HHAT: variants seen among roughly 807,000 people sequenced by gnomAD.
HHAT encodes protein-cysteine N-palmitoyltransferase HHAT.
A neutral mutation model predicts 70.8 loss-of-function variants in HHAT; 47 were observed. The ratio of observed to expected loss-of-function variants is 0.66; its 90% confidence interval spans 0.53 to 0.85. The LOEUF (loss-of-function observed/expected upper bound fraction) is 0.85, where lower values mean the gene tolerates loss of function less well. HHAT is among the 40% of genes least tolerant of loss of function. The pLI is 0.00. For synonymous variants in HHAT, 228 were observed against 247.6 expected (o/e 0.92, Z 0.74); for missense variants, 609 against 604.8 (o/e 1.01, Z -0.07).
intron 11 of HHAT, among the ~76,000 whole-genome samples, chr1:210,671,317 T>A (rs1248372638): frequency 1.3e-5 from 2 of 152,072 alleles, no homozygotes; most frequent in African/African-American, 2.4e-5. Flanking sequence ...CTGAACCCAC[T>A]GAGGAGCAGG....
At chr1:210,649,933 A>G (rs558614531) in intron 11 of HHAT, among the ~76,000 whole-genome samples, 1 of 152,350 alleles carries the variant, frequency 6.6e-6, no homozygotes, top group South Asian at 2.1e-4. Context: ...ATTTAGCATC[A>G]GAAATGTGCT....
At position 210,464,582 on chromosome 1, in the gene HHAT, C is replaced by G. The variant is rs777865030; in HGVS notation, c.934C>G (p.Arg312Gly). ...CTTTGGCGTGCCTGCTCTGCTCATG[C>G]GCCTGGATGGACTCACTCCACCCGC... ...VLFGVPALLM[R>G]LDGLTPPALP... Residue 312 changes from arginine to glycine, a missense_variant, in exon 8 of 12, where the codon CGC (arginine) becomes GGC (glycine). Transcript: ENST00000261458. 6.2e-7 allele frequency: 1 copy of G among 1,614,184 alleles called. No homozygotes were observed. Among genetic ancestry groups the G allele is most frequent in the Non-Finnish European group, 8.5e-7 (1 of 1,180,012 alleles).
At chr1:210,583,255 A>C (rs1054433024) in intron 9 of HHAT, among the ~76,000 whole-genome samples, 2 of 152,184 alleles carry the variant, frequency 1.3e-5, no homozygotes, top group Non-Finnish European at 2.9e-5. Context: ...TGATTCAGTG[A>C]GATGCTTTTA....
chr1:210,481,882 T>A (rs1469660767), intron 8 of HHAT, among the ~76,000 whole-genome samples: 1 of 152,150 alleles, frequency 6.6e-6, no homozygotes, highest in Admixed American at 6.5e-5. Context: ...ATGTGGGTAT[T>A]TGGAGAAGTG....
chr1:210,427,009 T>A (rs1469732169), intron 7 of HHAT, among the ~76,000 whole-genome samples: 49 of 152,198 alleles, frequency 3.2e-4, no homozygotes, highest in Admixed American at 3.2e-3. Context: ...ACTGCCTCAA[T>A]TTCAGAGCTT....
chr1:210,347,985 A>G (rs1287694956), intron 1 of HHAT, among the ~76,000 whole-genome samples: 1 of 152,212 alleles, frequency 6.6e-6, no homozygotes. Context: ...GATGTGTAAG[A>G]AGAGAGACTG....
chr1:210,463,457 G>A (rs1392558336), intron 7 of HHAT, among the ~76,000 whole-genome samples: 1 of 152,088 alleles, frequency 6.6e-6, no homozygotes, highest in Non-Finnish European at 1.5e-5. Flanking sequence ...TGTTTTCAGG[G>A]TTCATCCACA....
intron 5 of HHAT, 110 bp from the exon 6 acceptor site, chr1:210,404,354 C>G (rs964281687): frequency 2.6e-6 from 2 of 781,948 alleles, no homozygotes; most frequent in Non-Finnish European, 2.1e-6. Flanking sequence ...CTTCCCAGAG[C>G]CCCCTGGGAT....
At chr1:210,494,557 T>TC (rs2094602916) in intron 8 of HHAT, among the ~76,000 whole-genome samples, 1 of 141,700 alleles carries the variant, frequency 7.1e-6, no homozygotes, top group East Asian at 2.1e-4. Flanking sequence ...TTTTTTTTTT[T>TC]TTTTTTTTTT....
chr1:210,519,825 G>A (rs1312716057), intron 9 of HHAT, among the ~76,000 whole-genome samples: 1 of 110,678 alleles, frequency 9.0e-6, no homozygotes, highest in African/African-American at 3.1e-5. Context: ...ACCACACTTG[G>A]CTTTTTTTTT....
In HHAT at chr1:210,400,558, A is replaced by G. The variant is rs941269680; in HGVS notation, c.364A>G (p.Thr122Ala). Residue 122 changes from threonine to alanine, a missense_variant, in exon 5 of 12, where the codon ACC becomes GCC. Thr to Ala is a moderately conservative substitution (Grantham distance 58). Coordinates refer to ENST00000261458, the MANE Select transcript of HHAT (RefSeq NM_018194.6). ...PGVAMVLLHT[T>A]ISFCVAQFRS... is the part of the protein sequence containing the mutation. ...TGTGGCTATGGTTTTGCTCCATACCACCATCTCTTTCTGCGTGGCCCAGTT... is the reference window on the plus strand; with the variant it reads ...TGTGGCTATGGTTTTGCTCCATACCGCCATCTCTTTCTGCGTGGCCCAGTT... 3.1e-6 allele frequency: 5 copies of G among 1,613,848 alleles called. No individual in the cohort carries two copies. Among genetic ancestry groups the G allele is most frequent in the East Asian group, 4.5e-5 (2 of 44,870 alleles).
intron 1 of HHAT, among the ~76,000 whole-genome samples, chr1:210,335,808 A>G (rs2085434204): frequency 6.6e-6 from 1 of 152,228 alleles, no homozygotes. Flanking sequence ...TGAACGCTAA[A>G]ACAAAGCACC....
intron 6 of HHAT, among the ~76,000 whole-genome samples, chr1:210,412,893 A>G (rs1010319204): frequency 1.1e-4 from 16 of 152,298 alleles, no homozygotes; most frequent in African/African-American, 3.6e-4. Context: ...ACCCCCTCAC[A>G]GCTTTTCTGG....
chr1:210,551,639 G>A (rs1389569776), intron 9 of HHAT, among the ~76,000 whole-genome samples: 3 of 152,138 alleles, frequency 2.0e-5, no homozygotes, highest in Non-Finnish European at 4.4e-5. Flanking sequence ...TTATTGGAAC[G>A]GTTCTTTTTT....
At chr1:210,655,758 T>C (rs1676257573) in intron 11 of HHAT, among the ~76,000 whole-genome samples, 1 of 152,242 alleles carries the variant, frequency 6.6e-6, no homozygotes, top group East Asian at 1.9e-4. Context: ...CCTCTGACGT[T>C]TCCACAGTTT....
At position 210,365,321 on chromosome 1, in the gene HHAT, T is replaced by TG. The variant is rs201750929; in HGVS notation, c.159+2402_159+2403insG. 5.3e-4 allele frequency among the ~76,000 whole-genome samples: 70 copies of TG among 132,124 alleles called. 1 individual carries two copies. Among genetic ancestry groups the TG allele is most frequent in the Non-Finnish European group, 9.2e-4 (57 of 62,090 alleles). 86.7% of individuals were successfully genotyped at this position (132,124 alleles called of 152,430 possible). ...AGTACTGCTGACAGTTTTTTTTTTT[T>TG]TTTTTTTTTTTTTGAGACGGAGTCT... On this transcript the variant is annotated intron_variant, in intron 3 of 11. Coordinates refer to ENST00000261458, the MANE Select transcript of HHAT (RefSeq NM_018194.6).
At chr1:210,481,443 C>T (rs974216598) in intron 8 of HHAT, among the ~76,000 whole-genome samples, 10 of 152,168 alleles carry the variant, frequency 6.6e-5, no homozygotes, top group African/African-American at 2.4e-4. Context: ...TCATCACAGC[C>T]TTCCAGTACT....
chr1:210,412,562 A>C (rs2092594386), intron 6 of HHAT, among the ~76,000 whole-genome samples: 2 of 152,330 alleles, frequency 1.3e-5, no homozygotes, highest in South Asian at 4.1e-4. Flanking sequence ...AGAAGAAAGG[A>C]GTAAAAGCTC....
upstream of HHAT, among the ~76,000 whole-genome samples, chr1:210,327,517 T>C (rs539990506): frequency 6.6e-6 from 1 of 152,254 alleles, no homozygotes; most frequent in Middle Eastern, 3.4e-3. Flanking sequence ...TATTTACTTA[T>C]TTTTTTGAGA....
Sources: gnomAD v4.1 joint callset for allele counts (sites outside exome capture counted in the v4.1 genomes callset) on GRCh38, gnomAD v4.1.1 for gene constraint, MANE v1.5 for transcripts, NCBI Gene and HGNC (gene_info 2026-07-23, HGNC 2026-07-21) for gene names.